POU3F3: variants seen among roughly 807,000 people sequenced by gnomAD.
POU3F3 encodes POU class 3 homeobox 3.
In POU3F3, 1 loss-of-function variant was observed where a neutral mutation model predicts 8.6. The ratio of observed to expected loss-of-function variants is 0.12; its 90% CI spans 0.04 to 0.55. POU3F3 has a LOEUF of 0.55. POU3F3 is among the 20% of genes least tolerant of loss of function. The probability of loss-of-function intolerance (pLI) is 0.91; values close to 1 mark genes in which losing one functional copy is unlikely to be tolerated. For synonymous variants in POU3F3, 418 were observed against 327.4 expected (o/e 1.28, Z -2.99); for missense variants, 577 against 690.7 (o/e 0.84, Z 1.84).
At chr2:104,918,474 T>C in the POU3F3 span, among the ~76,000 whole-genome samples, 1 of 152,204 alleles carries the variant, frequency 6.6e-6, no homozygotes, top group Non-Finnish European at 1.5e-5. Context: ...GAGGCCATAC[T>C]GGTGGAGGGT....
the POU3F3 span, among the ~76,000 whole-genome samples, chr2:104,881,531 CTT>C: frequency 1.3e-5 from 2 of 152,060 alleles, no homozygotes. Context: ...TGTCCTCTCT[CTT>C]TCTCTTGCTG....
chr2:104,882,433 GTAGAGAC>G, the POU3F3 span, among the ~76,000 whole-genome samples: 9 of 151,896 alleles, frequency 5.9e-5, no homozygotes, highest in Admixed American at 2.6e-4. Flanking sequence ...TGTACTTTTA[GTAGAGAC>G]GGGGTTTCAC....
the POU3F3 span, among the ~76,000 whole-genome samples, chr2:104,910,849 A>G: frequency 6.6e-6 from 1 of 152,202 alleles, no homozygotes; most frequent in Non-Finnish European, 1.5e-5. Flanking sequence ...AAAAGAAAGA[A>G]AAAAGAACAA....
Position 104,854,157 on chromosome 2 carries a change from C to A in POU3F3, c.-1354C>A, listed in dbSNP as rs1260591140. On this transcript the variant is annotated 5_prime_UTR_variant, in exon 1 of 1. It adds an upstream start codon to the 5' untranslated region. Transcript: ENST00000361360. This position sits in a 1 kb window ranked among gnomAD's most constrained non-coding sequence, Gnocchi z 4.5. Reference sequence around the variant, plus strand: ...CTGAGAGGGAGGGACAGAGAGCGAACTGTCAGATCGGAGCGAGAGCGGGCG... The same window carrying A: ...CTGAGAGGGAGGGACAGAGAGCGAAATGTCAGATCGGAGCGAGAGCGGGCG... 6.6e-6 allele frequency among the ~76,000 whole-genome samples: 1 copy of A among 151,980 alleles called. No homozygotes were observed. Among genetic ancestry groups the A allele is most frequent in the Non-Finnish European group, 1.5e-5 (1 of 68,008 alleles).
chr2:104,901,238 G>A, the POU3F3 span, among the ~76,000 whole-genome samples: 4 of 152,312 alleles, frequency 2.6e-5, no homozygotes, highest in East Asian at 7.7e-4. Flanking sequence ...CTCACTGACA[G>A]CCCTGAGATG....
the POU3F3 span, among the ~76,000 whole-genome samples, chr2:104,876,543 T>C: frequency 5.3e-5 from 8 of 152,352 alleles, no homozygotes; most frequent in East Asian, 1.5e-3. Flanking sequence ...TACAAAATGT[T>C]CTATGATCCT....
At chr2:104,923,804 A>G in the POU3F3 span, among the ~76,000 whole-genome samples, 2 of 152,216 alleles carry the variant, frequency 1.3e-5, no homozygotes, top group Non-Finnish European at 2.9e-5. Flanking sequence ...AGCTCCAGGG[A>G]CCAAATAGGT....
At chr2:104,927,603 T>A in the POU3F3 span, among the ~76,000 whole-genome samples, 4 of 151,616 alleles carry the variant, frequency 2.6e-5, no homozygotes, top group East Asian at 1.9e-4. Context: ...AAAATTTTTT[T>A]AAAATTAGTC....
rs972877629 is a variant in POU3F3 at position 104,855,293 on chromosome 2, C to CGCG, written c.-198_-196dup. Among the ~76,000 whole-genome samples the CGCG allele has an allele frequency of 1.0e-3, 150 of 146,572 alleles. No individual in the cohort carries two copies. Among genetic ancestry groups the CGCG allele is most frequent in the African/African-American group, 2.5e-3 (100 of 40,670 alleles). On this transcript the variant is annotated 5_prime_UTR_variant, in exon 1 of 1. Transcript: ENST00000361360. ...CGGCCTTGCAGCTGCAGCCGGGGGC[C>CGCG]GCGGCGGCGGCGGCGGCGGCGGGGG...
the POU3F3 span, among the ~76,000 whole-genome samples, chr2:104,869,041 G>T: frequency 6.6e-6 from 1 of 152,164 alleles, no homozygotes; most frequent in South Asian, 2.1e-4. Context: ...GGGGATGGTG[G>T]TGGTATTACC....
chr2:104,855,660 C>T lies in POU3F3; in HGVS notation c.150C>T (p.Gly50=), dbSNP rs1337654855. 5 of 1,040,804 alleles carry T rather than the reference C, an allele frequency of 4.8e-6. No homozygotes were observed. The highest frequency in any genetic ancestry group is 5.8e-6 in the Non-Finnish European group (5 of 863,138). The allele number at this position is 1,040,804 out of a possible 1,614,324, so 64.5% of individuals were successfully genotyped here. A position where few individuals can be genotyped will look rare whatever the true frequency, so the allele number is the denominator to read the frequency against. The change falls in exon 1 of 1, where the codon GGC becomes GGT. Residue 50 remains glycine (G), a synonymous_variant. Transcript: ENST00000361360. Reference sequence around the variant, plus strand: ...GCGGCGCAGGGGGCGGGGGCGGCGGCATGCAGCCGGGCAGCGCCGCCGTGA... The same window carrying T: ...GCGGCGCAGGGGGCGGGGGCGGCGGTATGCAGCCGGGCAGCGCCGCCGTGA... ...GGGGAGGGGG[G]MQPGSAAVTS...
chr2:104,914,160 C>G, the POU3F3 span, among the ~76,000 whole-genome samples: 14 of 152,210 alleles, frequency 9.2e-5, no homozygotes, highest in Non-Finnish European at 2.1e-4. Context: ...ACAGAATATC[C>G]GGTCTGTTGG....
the POU3F3 span, among the ~76,000 whole-genome samples, chr2:104,880,512 G>A: frequency 3.7e-4 from 56 of 152,278 alleles, no homozygotes; most frequent in Middle Eastern, 0.01. Context: ...GCCCAACCAT[G>A]CTGCAGTGGA....
At chr2:104,872,519 A>G in the POU3F3 span, 1 of 341,042 alleles carries the variant, frequency 2.9e-6, no homozygotes, top group African/African-American at 2.2e-5. This position sits in a 1 kb window ranked among gnomAD's most constrained non-coding sequence, Gnocchi z 4.6. Context: ...TCTTCAGCTT[A>G]CCCTTTCCTC....
chr2:104,912,856 G>A, the POU3F3 span, among the ~76,000 whole-genome samples: 1 of 152,198 alleles, frequency 6.6e-6, no homozygotes, highest in Non-Finnish European at 1.5e-5. Context: ...GACATTCATG[G>A]TGCCAATGCC....
the POU3F3 span, among the ~76,000 whole-genome samples, chr2:104,865,061 G>A: frequency 1.3e-5 from 2 of 152,190 alleles, no homozygotes; most frequent in South Asian, 4.1e-4. Flanking sequence ...AATGTCTGTG[G>A]AAATGTCCCC....
the POU3F3 span, among the ~76,000 whole-genome samples, chr2:104,912,363 C>G: frequency 6.6e-6 from 1 of 152,328 alleles, no homozygotes; most frequent in East Asian, 1.9e-4. Context: ...AAAGCCAGTT[C>G]TGCTTCTACT....
At chr2:104,893,883 C>CAAAAA in the POU3F3 span, among the ~76,000 whole-genome samples, 1 of 87,798 alleles carries the variant, frequency 1.1e-5, no homozygotes, top group African/African-American at 4.4e-5. Context: ...AACTCTGTCT[C>CAAAAA]AAAAAAAAAA....
At chr2:104,893,841 C>T in the POU3F3 span, among the ~76,000 whole-genome samples, 1 of 149,446 alleles carries the variant, frequency 6.7e-6, no homozygotes, top group Non-Finnish European at 1.5e-5. Context: ...TGAGATCCCA[C>T]CACTGCACTC....
Sources: gnomAD v4.1 joint callset for allele counts (sites outside exome capture counted in the v4.1 genomes callset) on GRCh38, gnomAD v4.1.1 for gene constraint, Gnocchi (gnomAD v3.1) non-coding constraint, MANE v1.5 for transcripts, NCBI Gene and HGNC (gene_info 2026-07-23, HGNC 2026-07-21) for gene names.